The following CADPS variants were observed in gnomAD, a reference collection of about 807,000 sequenced individuals.
CADPS encodes calcium-dependent secretion activator 1.
CADPS carries 57 observed loss-of-function variants against 167.3 expected under a neutral mutation model. That is an observed-to-expected ratio of 0.34 (90% CI 0.28 to 0.42). CADPS has a LOEUF of 0.42. Ranked by LOEUF, CADPS falls within the 20% of genes least tolerant of loss-of-function variation. The pLI, the probability that CADPS is intolerant of heterozygous loss-of-function variation, is 1.00. For synonymous variants in CADPS, 676 were observed against 635.3 expected, an observed-to-expected ratio of 1.06 and a Z score of -0.96; for missense variants, 1,414 against 1,738.1, an observed-to-expected ratio of 0.81 and a Z score of 3.32.
At chr3:62,626,618 C>T in intron 6 of CADPS, 1 of 699,088 alleles carries the variant, frequency 1.4e-6, no homozygotes, top group East Asian at 2.7e-5. Context: ...CTTAAATTTG[C>T]TAAGCCTTTT....
At chr3:62,651,514 A>T (rs1451910357) in intron 4 of CADPS, among the ~76,000 whole-genome samples, 1 of 152,222 alleles carries the variant, frequency 6.6e-6, no homozygotes. Context: ...AGATTTTCTC[A>T]CATGAATAAT....
intron 3 of CADPS, among the ~76,000 whole-genome samples, chr3:62,710,537 G>A (rs2083200574): frequency 1.3e-5 from 2 of 152,106 alleles, no homozygotes; most frequent in South Asian, 4.1e-4. Context: ...CCACAGGCCA[G>A]ATCAAGATGT....
chr3:62,658,145 G>C lies in CADPS; in HGVS notation c.969+4169C>G, dbSNP rs558717137. Among the ~76,000 whole-genome samples, 147 of 152,220 alleles carry C rather than the reference G, an allele frequency of 9.7e-4. 2 individuals are homozygous for C. The highest frequency in any genetic ancestry group is 3.4e-3 in the African/African-American group (142 of 41,522). ...ATTCTAAAGAAATAGCATGAAACGT[G>C]GAATTAGACAACTCAGTTTTCTGCA... On this transcript the variant is annotated intron_variant, in intron 4 of 29. Coordinates refer to ENST00000383710, the MANE Select transcript of CADPS (RefSeq NM_003716.4).
At chr3:62,482,927 T>A (rs2062218761) in intron 21 of CADPS, among the ~76,000 whole-genome samples, 1 of 152,202 alleles carries the variant, frequency 6.6e-6, no homozygotes. Context: ...GGAAGAGAGA[T>A]GGATGGTTTT....
At chr3:62,680,481 C>T (rs2076980424) in intron 3 of CADPS, among the ~76,000 whole-genome samples, 1 of 152,004 alleles carries the variant, frequency 6.6e-6, no homozygotes, top group African/African-American at 2.4e-5. Context: ...CTCATTGTCA[C>T]ACACATCTAA....
At chr3:62,867,204 T>C (rs1305170990) in intron 1 of CADPS, among the ~76,000 whole-genome samples, 3 of 151,964 alleles carry the variant, frequency 2.0e-5, no homozygotes, top group Admixed American at 2.0e-4. Flanking sequence ...AGGACAAAAA[T>C]ATTAGGACTT....
At chr3:62,456,741 T>C (rs1046188534) in intron 26 of CADPS, among the ~76,000 whole-genome samples, 1 of 150,236 alleles carries the variant, frequency 6.7e-6, no homozygotes, top group African/African-American at 2.5e-5. Flanking sequence ...CTCTCTTCCC[T>C]TTCTCTTTAT....
chr3:62,554,153 C>A (rs1001339532), intron 10 of CADPS, among the ~76,000 whole-genome samples: 2 of 152,182 alleles, frequency 1.3e-5, no homozygotes, highest in Non-Finnish European at 2.9e-5. Context: ...TATTTGAAGG[C>A]TTAATTATCT....
At chr3:62,489,417 C>T (rs1233284518) in intron 21 of CADPS, among the ~76,000 whole-genome samples, 1 of 152,238 alleles carries the variant, frequency 6.6e-6, no homozygotes, top group East Asian at 1.9e-4. Context: ...GCCTCGGCCT[C>T]CCAAAGTGCT....
chr3:62,740,118 T>C (rs184110140), intron 3 of CADPS, among the ~76,000 whole-genome samples: 26 of 152,348 alleles, frequency 1.7e-4, no homozygotes, highest in Admixed American at 5.9e-4. Flanking sequence ...TTTTAGACTA[T>C]GGGTTGCTTC....
intron 3 of CADPS, among the ~76,000 whole-genome samples, chr3:62,730,024 C>A (rs1383914256): frequency 1.3e-5 from 2 of 151,972 alleles, no homozygotes; most frequent in African/African-American, 4.8e-5. Context: ...TCTGGCATGG[C>A]AATTCATGAT....
At chr3:62,589,177 T>C (rs2085358434) in intron 7 of CADPS, among the ~76,000 whole-genome samples, 1 of 152,052 alleles carries the variant, frequency 6.6e-6, no homozygotes. Context: ...TAAACACAGG[T>C]CTGCTAAGTG....
intron 3 of CADPS, among the ~76,000 whole-genome samples, chr3:62,671,692 T>C (rs2075539599): frequency 6.6e-6 from 1 of 152,062 alleles, no homozygotes; most frequent in African/African-American, 2.4e-5. Context: ...TAAAAGGCAA[T>C]CCTAATGTTG....
At chr3:62,473,792 C>A (rs958819660) in intron 24 of CADPS, 10 of 157,990 alleles carry the variant, frequency 6.3e-5, no homozygotes, top group African/African-American at 2.4e-4. Flanking sequence ...GCAAGAAAGG[C>A]CTCTCTTGCT....
At chr3:62,705,398 T>C in intron 3 of CADPS, among the ~76,000 whole-genome samples, 1 of 152,122 alleles carries the variant, frequency 6.6e-6, no homozygotes, top group Non-Finnish European at 1.5e-5. Flanking sequence ...ACAAGGGATA[T>C]CCCAGGTGCG....
At chr3:62,506,378 A>C (rs2066690376) in intron 17 of CADPS, among the ~76,000 whole-genome samples, 1 of 152,100 alleles carries the variant, frequency 6.6e-6, no homozygotes, top group Non-Finnish European at 1.5e-5. Flanking sequence ...ACAGAGCAAG[A>C]CTCCGTCTCA....
chr3:62,828,273 G>T (rs1450951280), intron 1 of CADPS, among the ~76,000 whole-genome samples: 1 of 152,160 alleles, frequency 6.6e-6, no homozygotes, highest in Non-Finnish European at 1.5e-5. Flanking sequence ...GCTCCAGATG[G>T]CAATTCCAGC....
rs1458887474 is a variant in CADPS, at chr3:62,458,063, C to T, written c.3636+7304G>A. ...ACCCGCACATTCTGCACATGTATCCCAGAACTTGAAGTATAATTTAAAAAA... is the reference window on the plus strand; with the variant it reads ...ACCCGCACATTCTGCACATGTATCCTAGAACTTGAAGTATAATTTAAAAAA... On this transcript the variant is annotated intron_variant, in intron 26 of 29. Transcript: ENST00000383710. This position sits in a 1 kb window ranked among gnomAD's most constrained non-coding sequence, Gnocchi z 4.6. Among the ~76,000 whole-genome samples the T allele has an allele frequency of 6.6e-6, 1 of 152,066 alleles. No individual in the cohort carries two copies. The highest frequency in any genetic ancestry group is 2.4e-5 in the African/African-American group (1 of 41,412).
rs1043090091 is a variant in CADPS at position 62,420,359 on chromosome 3, C to T, written c.3778-17174G>A. On this transcript the variant is annotated intron_variant, in intron 28 of 29. Transcript: ENST00000383710. The surrounding 1 kb of genome is among the most constrained non-coding windows in gnomAD (Gnocchi z 4.1). ...GGAATGATTTCTCATAAGGGAAGAA[C>T]ATGATCTTTTTAGGAGCTGGATATG... Among the ~76,000 whole-genome samples the T allele has an allele frequency of 6.6e-6, 1 of 152,182 alleles. No homozygotes were observed. Among genetic ancestry groups the T allele is most frequent in the Non-Finnish European group, 1.5e-5 (1 of 68,024 alleles).
Sources: allele counts gnomAD v4.1 joint callset (sites outside exome capture counted in the v4.1 genomes callset), GRCh38; gene constraint gnomAD v4.1.1; non-coding constraint Gnocchi (gnomAD v3.1); transcripts MANE v1.5; gene names NCBI Gene and HGNC (gene_info 2026-07-23, HGNC 2026-07-21).